The following CDC14B variants were observed in gnomAD, a reference collection of about 807,000 sequenced individuals.
CDC14B encodes dual specificity protein phosphatase CDC14B.
A neutral mutation model predicts 64.2 loss-of-function variants in CDC14B; 22 were observed. The ratio of observed to expected loss-of-function variants is 0.34; its 90% CI spans 0.24 to 0.49. The LOEUF is 0.49. CDC14B is among the 20% of genes least tolerant of loss of function. The pLI, the probability that CDC14B is intolerant of heterozygous loss-of-function variation, is 0.99. For missense variants in CDC14B, 498 were observed against 629.9 expected, an observed-to-expected ratio of 0.79 and a Z score of 2.24; for synonymous variants, 191 against 215.8, an observed-to-expected ratio of 0.89 and a Z score of 1.01.
chr9:96,560,684 A>G (rs991726774), intron 4 of CDC14B, among the ~76,000 whole-genome samples: 2 of 149,582 alleles, frequency 1.3e-5, no homozygotes, highest in African/African-American at 5.0e-5. Flanking sequence ...CCCAGGTTCA[A>G]GCAATTCCCT....
Position 96,501,824 on chromosome 9 carries a change from T to A in CDC14B, c.*1929A>T, listed in dbSNP as rs558074497. 6.6e-6 allele frequency: 1 copy of A among 152,258 alleles called. No individual in the cohort carries two copies. The highest frequency in any genetic ancestry group is 2.1e-4 in the South Asian group (1 of 4,816). 9.4% of individuals were successfully genotyped at this position (152,258 alleles called of 1,614,324 possible). ...TCATTCACCGTGAGGGAGACAGTAC[T>A]CACAAGAGCTGTGGCGCCTACGTTT... On this transcript the variant is annotated 3_prime_UTR_variant, in exon 14 of 14. Transcript: ENST00000375241.
At chr9:96,517,643 CAAAAAAAAAAAAA>C (rs1016405679) in intron 12 of CDC14B, among the ~76,000 whole-genome samples, 1 of 34,638 alleles carries the variant, frequency 2.9e-5, no homozygotes, top group Non-Finnish European at 4.9e-5. Context: ...GACTCCGTCT[CAAAAAAAAAAAAA>C]AAAAAAAAGA....
intron 6 of CDC14B, among the ~76,000 whole-genome samples, chr9:96,541,246 A>C (rs1421856555): frequency 6.6e-6 from 1 of 152,254 alleles, no homozygotes; most frequent in East Asian, 1.9e-4. Context: ...TGTCCCCTGG[A>C]ATCAACACAG....
At chr9:96,546,032 G>A (rs567768447) in intron 5 of CDC14B, among the ~76,000 whole-genome samples, 5 of 152,274 alleles carry the variant, frequency 3.3e-5, no homozygotes, top group African/African-American at 7.2e-5. Flanking sequence ...TGGAAAACAC[G>A]TAAGAATCAA....
At chr9:96,544,653 C>A (rs939304721) in intron 5 of CDC14B, among the ~76,000 whole-genome samples, 2 of 152,002 alleles carry the variant, frequency 1.3e-5, no homozygotes, top group East Asian at 3.9e-4. Context: ...CACCACCAGG[C>A]CTGGCTAAGT....
chr9:96,497,000 C>T (rs1384857697), downstream of CDC14B, among the ~76,000 whole-genome samples: 1 of 152,192 alleles, frequency 6.6e-6, no homozygotes, highest in Non-Finnish European at 1.5e-5. Context: ...CGGAGTCCCA[C>T]GCCAGGGAGA....
chr9:96,497,043 A>G (rs566968940), downstream of CDC14B, among the ~76,000 whole-genome samples: 97 of 152,338 alleles, frequency 6.4e-4, no homozygotes, highest in Non-Finnish European at 1.5e-5. Context: ...CGTTTAACAC[A>G]GAGAAACACA....
At chr9:96,581,374 C>G (rs1157835337) in intron 1 of CDC14B, among the ~76,000 whole-genome samples, 1 of 151,526 alleles carries the variant, frequency 6.6e-6, no homozygotes, top group East Asian at 1.9e-4. Flanking sequence ...GAGGCTGAGG[C>G]AGGAGGATCA....
intron 4 of CDC14B, 102 bp from the exon 5 acceptor site, chr9:96,551,974 G>C: frequency 7.0e-7 from 1 of 1,427,560 alleles, no homozygotes; most frequent in Non-Finnish European, 9.3e-7. Flanking sequence ...AACTGAGCAG[G>C]GTTCTCCAGC....
At chr9:96,530,422 G>A (rs1489923803) in intron 9 of CDC14B, among the ~76,000 whole-genome samples, 5 of 147,754 alleles carry the variant, frequency 3.4e-5, no homozygotes, top group African/African-American at 1.0e-4. Context: ...CATGCGCCAC[G>A]CCCGGCTAAT....
intron 5 of CDC14B, among the ~76,000 whole-genome samples, chr9:96,545,545 C>T (rs1335553854): frequency 6.6e-6 from 1 of 152,040 alleles, no homozygotes; most frequent in Non-Finnish European, 1.5e-5. Context: ...GTCTCAATCT[C>T]CTGACCTCGT....
chr9:96,536,235 C>A (rs772193638), intron 7 of CDC14B, among the ~76,000 whole-genome samples: 1 of 152,116 alleles, frequency 6.6e-6, no homozygotes, highest in Non-Finnish European at 1.5e-5. Context: ...GAGGTGAAGA[C>A]GTTTGTGGTG....
At chr9:96,514,590 CA>C in intron 12 of CDC14B, 1 of 985,378 alleles carries the variant, frequency 1.0e-6, no homozygotes, top group Non-Finnish European at 1.2e-6. Flanking sequence ...CACAAAGTAC[CA>C]GAGTTGGTTG....
chr9:96,611,775 A>G (rs1241299106), intron 1 of CDC14B, among the ~76,000 whole-genome samples: 2 of 152,216 alleles, frequency 1.3e-5, no homozygotes, highest in Non-Finnish European at 2.9e-5. Context: ...TCTGCCAATA[A>G]TATGCACCAT....
At chr9:96,599,034 T>TA (rs1846260434) in intron 1 of CDC14B, among the ~76,000 whole-genome samples, 2 of 152,242 alleles carry the variant, frequency 1.3e-5, no homozygotes, top group Admixed American at 6.5e-5. Context: ...AATTATGCCG[T>TA]ATCTTATAAT....
chr9:96,535,239 G>A (rs1360415488), intron 7 of CDC14B, among the ~76,000 whole-genome samples: 1 of 152,002 alleles, frequency 6.6e-6, no homozygotes, highest in Non-Finnish European at 1.5e-5. Flanking sequence ...CCCAGGAGGC[G>A]GAAGTTGTAG....
intron 9 of CDC14B, among the ~76,000 whole-genome samples, chr9:96,530,042 C>A (rs1838195525): frequency 6.6e-6 from 1 of 152,158 alleles, no homozygotes; most frequent in Non-Finnish European, 1.5e-5. Context: ...ATTACATCTT[C>A]TTTAATTTTC....
intron 4 of CDC14B, among the ~76,000 whole-genome samples, chr9:96,561,668 T>C (rs78724885): frequency 6.6e-6 from 1 of 150,930 alleles, no homozygotes; most frequent in East Asian, 1.9e-4. Flanking sequence ...TTTTTTTTTT[T>C]AGTAGAGACA....
intron 3 of CDC14B, among the ~76,000 whole-genome samples, chr9:96,563,745 A>G (rs1843554579): frequency 6.6e-6 from 1 of 152,068 alleles, no homozygotes; most frequent in Admixed American, 6.5e-5. Context: ...ATGGTTGAGT[A>G]CAGGAAAAAA....
Sources: allele counts gnomAD v4.1 joint callset (sites outside exome capture counted in the v4.1 genomes callset), GRCh38; gene constraint gnomAD v4.1.1; transcripts MANE v1.5; gene names NCBI Gene and HGNC (gene_info 2026-07-23, HGNC 2026-07-21).